The following EIF4B variants were observed in gnomAD, a reference collection of about 807,000 sequenced individuals.
EIF4B encodes eukaryotic translation initiation factor 4B.
A neutral mutation model predicts 79.3 loss-of-function variants in EIF4B; 8 were observed. The ratio of observed to expected loss-of-function variants is 0.10; its 90% CI spans 0.06 to 0.18. EIF4B has a LOEUF of 0.18. Ranked by LOEUF, EIF4B falls within the 10% of genes least tolerant of loss-of-function variation. The pLI is 1.00. For synonymous variants in EIF4B, 238 were observed against 274.7 expected (o/e 0.87, Z 1.32); for missense variants, 515 against 792.4 (o/e 0.65, Z 4.20).
At chr12:53,017,500 A>G (rs1258009458) in intron 2 of EIF4B, among the ~76,000 whole-genome samples, 2 of 152,246 alleles carry the variant, frequency 1.3e-5, no homozygotes, top group Non-Finnish European at 2.9e-5. Flanking sequence ...ATGACCGGGT[A>G]TGACATAAAT....
At chr12:53,019,442 T>TTCTTC (rs1943207017) in intron 3 of EIF4B, among the ~76,000 whole-genome samples, 4 of 100,642 alleles carry the variant, frequency 4.0e-5, no homozygotes. Context: ...TATATATTTT[T>TTCTTC]TTTTTTTCTT....
chr12:53,019,079 C>CA, intron 3 of EIF4B, 73 bp downstream of exon 3: 1 of 1,514,196 alleles, frequency 6.6e-7, no homozygotes, highest in Non-Finnish European at 9.0e-7. Context: ...GTGGAATGGG[C>CA]AGTTGCTGTT....
chr12:53,030,410 A>ATTATTTTTTTTTTTTTTTTTTTTTTTT (rs1555153412), intron 8 of EIF4B, among the ~76,000 whole-genome samples: 1 of 34,196 alleles, frequency 2.9e-5, no homozygotes, highest in Non-Finnish European at 9.3e-5. Flanking sequence ...AAAAAATTAT[A>ATTATTTTTTTTTTTTTTTTTTTTTTTT]TTCTTTTTTT....
At chr12:53,018,227 GATCACCC>G (rs1029620141) in intron 2 of EIF4B, among the ~76,000 whole-genome samples, 4 of 152,204 alleles carry the variant, frequency 2.6e-5, no homozygotes, top group African/African-American at 9.7e-5. Flanking sequence ...GACCTCAGGT[GATCACCC>G]ACCTTGGCCT....
chr12:53,033,728 T>C lies in EIF4B; in HGVS notation c.980-78T>C, dbSNP rs1318391125. 2.8e-6 allele frequency: 4 copies of C among 1,435,354 alleles called. No individual in the cohort carries two copies. The African/African-American group carries it at 5.7e-5, about 20-fold the overall frequency. 88.9% of individuals were successfully genotyped at this position (1,435,354 alleles called of 1,614,324 possible). On this transcript the variant is annotated intron_variant, in intron 8 of 14. Transcript: ENST00000262056. ...ATCTCATGTAGCATTTCATAGGAGT[T>C]ATATCTGAGAAATCTGGCTTTCAGC...
intron 3 of EIF4B, 84 bp downstream of exon 3, chr12:53,019,090 G>GA: frequency 6.9e-7 from 1 of 1,455,410 alleles, no homozygotes. Context: ...AGTTGCTGTT[G>GA]AAAAAACAAC....
At chr12:53,007,639 TTTG>T (rs1191376563) in intron 1 of EIF4B, among the ~76,000 whole-genome samples, 4 of 152,146 alleles carry the variant, frequency 2.6e-5, no homozygotes, top group African/African-American at 9.7e-5. Flanking sequence ...AGGAATATAG[TTTG>T]TTTTCTCTGG....
At chr12:53,020,114 G>T in intron 4 of EIF4B, 88 bp downstream of exon 4, 1 of 1,084,464 alleles carries the variant, frequency 9.2e-7, no homozygotes, top group Non-Finnish European at 1.3e-6. Context: ...AGGTTGAGAG[G>T]CTCACTTCAA....
At chr12:53,027,714 T>C in intron 6 of EIF4B, 68 bp from the exon 7 acceptor site, 1 of 1,545,270 alleles carries the variant, frequency 6.5e-7, no homozygotes, top group Non-Finnish European at 8.8e-7. Flanking sequence ...ATTGGACTGA[T>C]AGCTTACCGT....
intron 9 of EIF4B, 37 bp from the exon 10 acceptor site, chr12:53,034,575 C>G (rs1390577822): frequency 6.2e-7 from 1 of 1,610,480 alleles, no homozygotes; most frequent in African/African-American, 1.3e-5. Flanking sequence ...CTTCACTGAG[C>G]CAGGCATAAT....
intron 8 of EIF4B, 66 bp downstream of exon 8, chr12:53,028,254 T>G: frequency 6.6e-7 from 1 of 1,520,382 alleles, no homozygotes; most frequent in Non-Finnish European, 8.8e-7. Context: ...AATTTGTGAT[T>G]GTGTTACGAA....
chr12:53,022,348 T>TG, intron 5 of EIF4B, 145 bp from the exon 6 acceptor site: 1 of 1,169,824 alleles, frequency 8.5e-7, no homozygotes, highest in Non-Finnish European at 1.3e-6. Context: ...AATTGGAGCA[T>TG]GTACTTATGG....
At chr12:53,025,178 G>A (rs928589238) in intron 6 of EIF4B, 1 of 455,204 alleles carries the variant, frequency 2.2e-6, no homozygotes, top group Admixed American at 2.4e-5. Flanking sequence ...GGAGAACTAT[G>A]TGAGGTGATT....
In EIF4B at chr12:53,041,901, AAAAAC is replaced by A. The variant is rs1943645998; in HGVS notation, c.*1682_*1686del. 1 of 152,520 alleles carries A rather than the reference AAAAAC, an allele frequency of 6.6e-6. No homozygotes were observed. Among genetic ancestry groups the A allele is most frequent in the Non-Finnish European group, 1.5e-5 (1 of 68,050 alleles). 9.4% of individuals were successfully genotyped at this position (152,520 alleles called of 1,614,324 possible). A position where few individuals can be genotyped will look rare whatever the true frequency, so the allele number is the denominator to read the frequency against. On this transcript the variant is annotated 3_prime_UTR_variant, in exon 15 of 15. Coordinates refer to ENST00000262056, the MANE Select transcript of EIF4B (RefSeq NM_001417.7). ...GGTTTTTCTTTCTTTTTTAAAAAAG[AAAAAC>A]AAACTATTGATTGTAGATAATGAAA...
chr12:53,032,313 G>A (rs1943460449), intron 8 of EIF4B, among the ~76,000 whole-genome samples: 1 of 152,100 alleles, frequency 6.6e-6, no homozygotes, highest in African/African-American at 2.4e-5. Context: ...ATGGTGCCAC[G>A]TGCCTATACT....
intron 12 of EIF4B, 65 bp from the exon 13 acceptor site, chr12:53,039,173 A>G (rs1180270254): frequency 8.3e-7 from 1 of 1,206,864 alleles, no homozygotes; most frequent in Non-Finnish European, 1.2e-6. Context: ...CTTAAGGGAA[A>G]TCTTAGGAGA....
chr12:53,011,467 C>A lies in EIF4B; in HGVS notation c.13+4971C>A, dbSNP rs143051888. Among the ~76,000 whole-genome samples, 108 of 152,316 alleles carry A rather than the reference C, an allele frequency of 7.1e-4. 2 individuals carry two copies. The East Asian group carries it at 0.019, about 27-fold the overall frequency. On this transcript the variant is annotated intron_variant, in intron 1 of 14. Transcript: ENST00000262056. ...CAGTCTTTTCATCCCAAACCCTCAT[C>A]CCACCCCAGAGCATTTGGCAGTGTC...
intron 5 of EIF4B, chr12:53,022,270 C>T: frequency 1.4e-6 from 1 of 723,432 alleles, no homozygotes; most frequent in Non-Finnish European, 2.5e-6. Flanking sequence ...CTGGCCCATA[C>T]AGAATTTGAG....
rs1475808775 is a variant in EIF4B, at chr12:53,006,471, T to C, written c.-13T>C. The stretch of plus-strand genomic sequence containing the variant: ...TCATCCGGGTCTTTTGCGTTCTCTT[T>C]CCCTCTCCCAACATGGCGGCCTCAG... On this transcript the variant is annotated 5_prime_UTR_variant, in exon 1 of 15. Coordinates refer to ENST00000262056, the MANE Select transcript of EIF4B (RefSeq NM_001417.7). 4 of 1,613,206 alleles carry C rather than the reference T, an allele frequency of 2.5e-6. No individual in the cohort carries two copies. Among genetic ancestry groups the C allele is most frequent in the Non-Finnish European group, 3.4e-6 (4 of 1,179,986 alleles).
Sources: gnomAD v4.1 joint callset for allele counts (sites outside exome capture counted in the v4.1 genomes callset) on GRCh38, gnomAD v4.1.1 for gene constraint, MANE v1.5 for transcripts, NCBI Gene and HGNC (gene_info 2026-07-23, HGNC 2026-07-21) for gene names.